The following PRKG1 variants were observed in gnomAD, a reference collection of about 807,000 sequenced individuals.
PRKG1 encodes the protein cGMP-dependent protein kinase 1.
PRKG1 carries 35 observed loss-of-function variants against 88.1 expected under a neutral mutation model. That is an observed-to-expected ratio of 0.40 (90% CI 0.30 to 0.53). The LOEUF is 0.53. Among genes scored for constraint, PRKG1 ranks in the 20% least tolerant of loss-of-function variants. The pLI is 0.59. For synonymous variants in PRKG1, 303 were observed against 292.5 expected (o/e 1.04, Z -0.37); for missense variants, 540 against 839.8 (o/e 0.64, Z 4.41).
chr10:51,452,985 C>T (rs1361545260), intron 2 of PRKG1, among the ~76,000 whole-genome samples: 2 of 151,864 alleles, frequency 1.3e-5, no homozygotes, highest in Non-Finnish European at 2.9e-5. Context: ...TATTGGTCTG[C>T]TCAGAATTTC....
intron 1 of PRKG1, among the ~76,000 whole-genome samples, chr10:51,009,855 T>C (rs900847202): frequency 6.6e-6 from 1 of 152,194 alleles, no homozygotes; most frequent in Non-Finnish European, 1.5e-5. Flanking sequence ...GCCAGAACAT[T>C]CATGCTACCC....
intron 2 of PRKG1, among the ~76,000 whole-genome samples, chr10:51,155,399 A>C (rs560580260): frequency 4.7e-4 from 71 of 152,192 alleles, no homozygotes; most frequent in African/African-American, 1.7e-3. Flanking sequence ...TTTAAACCTC[A>C]AACAATACTG....
chr10:51,208,987 A>G (rs1469836338), intron 2 of PRKG1, among the ~76,000 whole-genome samples: 1 of 152,176 alleles, frequency 6.6e-6, no homozygotes, highest in African/African-American at 2.4e-5. Flanking sequence ...AGAGTTTACT[A>G]GGTATGGGTG....
At chr10:51,212,009 T>A (rs1306748641) in intron 2 of PRKG1, among the ~76,000 whole-genome samples, 1 of 152,054 alleles carries the variant, frequency 6.6e-6, no homozygotes, top group South Asian at 2.1e-4. Context: ...CATTGCCAAG[T>A]CAATCCTAAG....
chr10:51,356,999 GGTT>G lies in PRKG1; in HGVS notation c.479-110720_479-110718del, dbSNP rs1202188519. 2.6e-5 allele frequency among the ~76,000 whole-genome samples: 4 copies of G among 151,966 alleles called. No individual in the cohort carries two copies. The East Asian group carries it at 7.8e-4, about 29-fold the overall frequency. The stretch of plus-strand genomic sequence containing the variant: ...AGCATGTGGTGGACTCTCCGTAAGT[GGTT>G]GTTAAGGGAAGAGATTGTTTTAATA... On this transcript the variant is annotated intron_variant, in intron 2 of 17. Coordinates refer to ENST00000373980, the MANE Select transcript of PRKG1 (RefSeq NM_006258.4).
chr10:51,141,321 T>C (rs1386077561), intron 1 of PRKG1, among the ~76,000 whole-genome samples: 1 of 152,232 alleles, frequency 6.6e-6, no homozygotes, highest in African/African-American at 2.4e-5. Flanking sequence ...ACTTCTTTAT[T>C]GCTTCTCTGT....
chr10:51,187,212 A>G (rs560123778), intron 2 of PRKG1, among the ~76,000 whole-genome samples: 18 of 151,754 alleles, frequency 1.2e-4, no homozygotes, highest in African/African-American at 3.6e-4. Context: ...TAAAAATCCA[A>G]ATATATGAAG....
chr10:51,041,057 C>T (rs372777818), intron 1 of PRKG1, among the ~76,000 whole-genome samples: 1 of 151,936 alleles, frequency 6.6e-6, no homozygotes, highest in African/African-American at 2.4e-5. Context: ...TCTTTCCCAC[C>T]CTTACCCTTC....
chr10:51,813,896 A>G (rs1449894198), intron 4 of PRKG1, among the ~76,000 whole-genome samples: 1 of 152,176 alleles, frequency 6.6e-6, no homozygotes, highest in Admixed American at 6.5e-5. Context: ...AAAAATGCTC[A>G]GTAATAGCTT....
chr10:52,049,302 A>G (rs1014277357), intron 5 of PRKG1, among the ~76,000 whole-genome samples: 2 of 152,110 alleles, frequency 1.3e-5, no homozygotes, highest in African/African-American at 4.8e-5. Context: ...TAGAGAAAGG[A>G]CCAGTTGAGT....
At chr10:51,299,199 C>T (rs10996660) in intron 2 of PRKG1, among the ~76,000 whole-genome samples, 2,634 of 151,990 alleles carry the variant, frequency 0.017, 73 homozygotes, top group African/African-American at 0.06. Context: ...TTCTTTTTAT[C>T]TGTATTTATT....
chr10:52,143,434 T>C (rs538897401), intron 8 of PRKG1, among the ~76,000 whole-genome samples: 22 of 152,274 alleles, frequency 1.4e-4, no homozygotes, highest in African/African-American at 3.8e-4. Context: ...TTCAAAAGCA[T>C]GCCCTGAGCA....
chr10:51,209,470 C>T (rs755640178), intron 2 of PRKG1, among the ~76,000 whole-genome samples: 1 of 152,110 alleles, frequency 6.6e-6, no homozygotes, highest in South Asian at 2.1e-4. Flanking sequence ...GAACTGTTCA[C>T]TCATTAAGGT....
chr10:51,668,850 A>G (rs1840486306), intron 3 of PRKG1, among the ~76,000 whole-genome samples: 1 of 152,186 alleles, frequency 6.6e-6, no homozygotes, highest in South Asian at 2.1e-4. Context: ...CTAAAAGTCT[A>G]TTAGTTGTAT....
At chr10:51,177,734 T>C (rs1837233333) in intron 2 of PRKG1, among the ~76,000 whole-genome samples, 1 of 152,096 alleles carries the variant, frequency 6.6e-6, no homozygotes, top group South Asian at 2.1e-4. Context: ...TCCTGATGTA[T>C]ATGTTATGCA....
At chr10:51,285,662 C>T (rs924850801) in intron 2 of PRKG1, among the ~76,000 whole-genome samples, 1 of 152,044 alleles carries the variant, frequency 6.6e-6, no homozygotes, top group African/African-American at 2.4e-5. Flanking sequence ...AAGACTAGGA[C>T]AAAATTGTAG....
intron 3 of PRKG1, among the ~76,000 whole-genome samples, chr10:51,505,367 G>A (rs905852730): frequency 3.3e-5 from 5 of 152,136 alleles, no homozygotes; most frequent in African/African-American, 1.2e-4. Context: ...GCTGGATTTG[G>A]TTTGCCAATA....
At chr10:52,048,234 T>C (rs1845908896) in intron 5 of PRKG1, among the ~76,000 whole-genome samples, 1 of 152,130 alleles carries the variant, frequency 6.6e-6, no homozygotes, top group Non-Finnish European at 1.5e-5. Flanking sequence ...AATGATGTCA[T>C]ATTTTATTGA....
At chr10:51,903,259 G>GAAAAC (rs1006722324) in intron 4 of PRKG1, among the ~76,000 whole-genome samples, 3 of 152,068 alleles carry the variant, frequency 2.0e-5, no homozygotes, top group East Asian at 1.9e-4. Context: ...GACTTGGTTT[G>GAAAAC]AAAACAAAAC....
Sources: allele counts gnomAD v4.1 joint callset (sites outside exome capture counted in the v4.1 genomes callset), GRCh38; gene constraint gnomAD v4.1.1; transcripts MANE v1.5; gene names NCBI Gene and HGNC (gene_info 2026-07-23, HGNC 2026-07-21).